Variants in TMEM114 observed in about 807,000 individuals in gnomAD.
The protein encoded by TMEM114 is transmembrane protein 114, also known as claudin-26.
Under a neutral mutation model 6.2 loss-of-function variants are expected in TMEM114, and 6 were observed. That is an observed-to-expected ratio of 0.97 (90% CI 0.53 to 1.91). TMEM114 has a LOEUF of 1.91. Ranked by LOEUF, TMEM114 falls within the 40% of genes most tolerant of loss-of-function variation. TMEM114 has a pLI of 0.01. For synonymous variants in TMEM114, 104 were observed against 73.0 expected, an observed-to-expected ratio of 1.42 and a Z score of -2.16; for missense variants, 218 against 158.3, an observed-to-expected ratio of 1.38 and a Z score of -2.02.
chr16:8,528,842 A>G, the TMEM114 span, among the ~76,000 whole-genome samples: 2 of 152,182 alleles, frequency 1.3e-5, no homozygotes, highest in African/African-American at 2.4e-5. Flanking sequence ...AAGACACTCC[A>G]TTACAGGATG....
downstream of TMEM114, among the ~76,000 whole-genome samples, chr16:8,535,648 T>A (rs968461552): frequency 6.6e-6 from 1 of 152,234 alleles, no homozygotes; most frequent in South Asian, 2.1e-4. Context: ...ACTGATCTTA[T>A]GAGTTCTGTG....
intron 2 of TMEM114, among the ~76,000 whole-genome samples, chr16:8,545,949 T>C (rs1900653049): frequency 6.6e-6 from 1 of 152,020 alleles, no homozygotes; most frequent in South Asian, 2.1e-4. Flanking sequence ...ACCCTATCTC[T>C]ACAGAAAATT....
intron 2 of TMEM114, among the ~76,000 whole-genome samples, chr16:8,556,584 C>G (rs775480467): frequency 6.6e-6 from 1 of 152,092 alleles, no homozygotes; most frequent in Admixed American, 6.5e-5. Flanking sequence ...TCACTGCAAC[C>G]TCCGCCTCCC....
intron 2 of TMEM114, among the ~76,000 whole-genome samples, chr16:8,556,720 C>A (rs553125351): frequency 7.3e-4 from 111 of 152,278 alleles, no homozygotes; most frequent in African/African-American, 2.5e-3. Flanking sequence ...CCAGGCTGGT[C>A]TCGAACTCCT....
At chr16:8,566,865 C>G (rs891497931), downstream of TMEM114, among the ~76,000 whole-genome samples, 2 of 150,146 alleles carry the variant, frequency 1.3e-5, no homozygotes, top group African/African-American at 4.9e-5. Context: ...GGAGTCACAT[C>G]TCTACCAGAC....
intron 3 of TMEM114, among the ~76,000 whole-genome samples, chr16:8,571,573 A>G (rs1901732683): frequency 6.6e-6 from 1 of 151,850 alleles, no homozygotes; most frequent in Non-Finnish European, 1.5e-5. Flanking sequence ...TTTGACCAAC[A>G]TCTCCCCACC....
chr16:8,527,046 A>G, the TMEM114 span, among the ~76,000 whole-genome samples: 1 of 152,172 alleles, frequency 6.6e-6, no homozygotes, highest in African/African-American at 2.4e-5. Context: ...CAACTCTGCT[A>G]AACATAGCAA....
chr16:8,548,709 GA>G (rs954591200), intron 2 of TMEM114, among the ~76,000 whole-genome samples: 5 of 112,926 alleles, frequency 4.4e-5, no homozygotes, highest in Admixed American at 9.0e-5. Context: ...TATATACACA[GA>G]AAAAAAATAC....
At chr16:8,565,215 ATAAG>A (rs1258877281), downstream of TMEM114, among the ~76,000 whole-genome samples, 7 of 152,156 alleles carry the variant, frequency 4.6e-5, no homozygotes, top group Non-Finnish European at 5.9e-5. Flanking sequence ...GAATAAATGA[ATAAG>A]TGAGTGAATG....
intron 2 of TMEM114, among the ~76,000 whole-genome samples, chr16:8,561,914 G>A (rs1471376252): frequency 7.8e-5 from 11 of 140,160 alleles, no homozygotes; most frequent in Non-Finnish European, 1.6e-4. Flanking sequence ...GTGAATGAAT[G>A]AGTAAGTGAA....
chr16:8,542,225 C>A (rs548250343), intron 2 of TMEM114, among the ~76,000 whole-genome samples: 2 of 152,300 alleles, frequency 1.3e-5, no homozygotes, highest in East Asian at 3.9e-4. Context: ...GCTTCAGACT[C>A]TGTTCCACCT....
At chr16:8,573,987 T>A (rs565346090) in intron 2 of TMEM114, among the ~76,000 whole-genome samples, 2 of 152,164 alleles carry the variant, frequency 1.3e-5, no homozygotes, top group African/African-American at 4.8e-5. Flanking sequence ...GTGTTGACAA[T>A]GTAGTGAATG....
At chr16:8,554,760 C>T (rs1429186322) in intron 2 of TMEM114, among the ~76,000 whole-genome samples, 1 of 152,222 alleles carries the variant, frequency 6.6e-6, no homozygotes, top group African/African-American at 2.4e-5. Flanking sequence ...ATGAGAAGTC[C>T]TGTTCTACGT....
Position 8,569,780 on chromosome 16 carries a change from G to C in TMEM114, c.665C>G (p.Ala222Gly), listed in dbSNP as rs370941636. 11 of 1,550,030 alleles carry C rather than the reference G, an allele frequency of 7.1e-6. No individual in the cohort carries two copies. The highest frequency in any genetic ancestry group is 9.6e-6 in the Non-Finnish European group (11 of 1,146,632). Residue 222 changes from alanine to glycine, a missense_variant, in exon 4 of 4, where the codon GCC becomes GGC. Coordinates refer to ENST00000620492, the MANE Select transcript of TMEM114 (RefSeq NM_001146336.2). ...ACGACCCAGCGCCCAGGCTCATATG[G>C]CCTGGTCCTGCCTCCGTCTCAGGCT... ...ELSLRRRQDQ[A>G]I is the part of the protein sequence containing the mutation.
chr16:8,583,339 G>A (rs578259702), intron 2 of TMEM114, among the ~76,000 whole-genome samples: 39 of 152,354 alleles, frequency 2.6e-4, no homozygotes, highest in African/African-American at 9.4e-4. Flanking sequence ...GCAGGAAGAG[G>A]AGGCAATAAG....
At chr16:8,564,971 G>A (rs201200498), downstream of TMEM114, among the ~76,000 whole-genome samples, 2 of 53,226 alleles carry the variant, frequency 3.8e-5, no homozygotes, top group African/African-American at 6.4e-5. Context: ...GTGAGTGAGG[G>A]AGTGAAAGAG....
chr16:8,589,138 C>G, intron 2 of TMEM114, 75 bp downstream of exon 2: 1 of 398,168 alleles, frequency 2.5e-6, no homozygotes, highest in Non-Finnish European at 4.4e-6. Flanking sequence ...CGAAGCCCGG[C>G]TGTTTTGGGA....
At position 8,585,117 on chromosome 16, in the gene TMEM114, T is replaced by A. The variant is rs1036171674; in HGVS notation, c.301+4096A>T. ...TCTTACATGGCGGCAGGCAGGAGGG[T>A]TTGTGCAGGGGAACCCCCTTTATAA... On this transcript the variant is annotated intron_variant, in intron 2 of 3. Coordinates refer to ENST00000620492, the MANE Select transcript of TMEM114 (RefSeq NM_001146336.2). 2.0e-5 allele frequency among the ~76,000 whole-genome samples: 3 copies of A among 151,706 alleles called. No homozygotes were observed. In the South Asian group the frequency reaches 6.3e-4, roughly 32 times the overall value.
At chr16:8,582,982 A>G (rs1224343699) in intron 2 of TMEM114, among the ~76,000 whole-genome samples, 1 of 152,098 alleles carries the variant, frequency 6.6e-6, no homozygotes, top group African/African-American at 2.4e-5. Flanking sequence ...AGGAAAAGGA[A>G]AGGAAACTGC....
Sources: gnomAD v4.1 joint callset for allele counts (sites outside exome capture counted in the v4.1 genomes callset) on GRCh38, gnomAD v4.1.1 for gene constraint, MANE v1.5 for transcripts, NCBI Gene and HGNC (gene_info 2026-07-23, HGNC 2026-07-21) for gene names.